Variants in SDK1 observed in about 807,000 individuals in gnomAD.
SDK1 encodes protein sidekick-1.
SDK1 carries 157 observed loss-of-function variants against 245.5 expected under a neutral mutation model. The observed-to-expected ratio is 0.64, with a 90% CI of 0.56 to 0.73. SDK1 has a LOEUF of 0.73. Ranked by LOEUF, SDK1 falls within the 30% of genes least tolerant of loss-of-function variation. SDK1 has a pLI of 0.00. For missense variants in SDK1, 3,583 were observed against 3,002.3 expected, an observed-to-expected ratio of 1.19 and a Z score of -4.52; for synonymous variants, 1,647 against 1,278.5, an observed-to-expected ratio of 1.29 and a Z score of -6.15.
chr7:3,961,778 T>C (rs1345052779), intron 8 of SDK1, among the ~76,000 whole-genome samples: 2 of 152,196 alleles, frequency 1.3e-5, no homozygotes, highest in Non-Finnish European at 1.5e-5. Flanking sequence ...GATACTGCCA[T>C]TGAGCACTCA....
At chr7:3,366,668 G>T (rs1231453895) in intron 1 of SDK1, among the ~76,000 whole-genome samples, 1 of 152,048 alleles carries the variant, frequency 6.6e-6, no homozygotes, top group African/African-American at 2.4e-5. Flanking sequence ...AAAGACTTTT[G>T]TCTTTTTGTC....
intron 14 of SDK1, among the ~76,000 whole-genome samples, chr7:3,996,728 A>T (rs556550990): frequency 6.6e-6 from 1 of 152,346 alleles, no homozygotes; most frequent in African/African-American, 2.4e-5. Context: ...TTATTATTCT[A>T]ACGACTTTTC....
chr7:3,888,941 C>T (rs1554276635), intron 5 of SDK1, among the ~76,000 whole-genome samples: 1 of 152,120 alleles, frequency 6.6e-6, no homozygotes, highest in Non-Finnish European at 1.5e-5. Flanking sequence ...AACTATGGCT[C>T]TTTATTATTT....
chr7:3,628,047 G>A (rs1484915986), intron 2 of SDK1, among the ~76,000 whole-genome samples: 1 of 152,126 alleles, frequency 6.6e-6, no homozygotes, highest in African/African-American at 2.4e-5. Context: ...AGCTCCGTCT[G>A]CTTGGAAGGC....
chr7:3,617,273 T>G (rs1781800605), intron 1 of SDK1, among the ~76,000 whole-genome samples: 1 of 152,252 alleles, frequency 6.6e-6, no homozygotes, highest in African/African-American at 2.4e-5. Flanking sequence ...GTTCCTGGCA[T>G]TGTTCTAGGT....
At chr7:3,986,626 C>CG (rs1185792746) in intron 13 of SDK1, among the ~76,000 whole-genome samples, 1 of 152,030 alleles carries the variant, frequency 6.6e-6, no homozygotes, top group African/African-American at 2.4e-5. Context: ...TTTGGGAGGC[C>CG]AAGGCGGGTG....
chr7:3,637,954 C>T (rs1044214616), intron 2 of SDK1, among the ~76,000 whole-genome samples: 3 of 152,200 alleles, frequency 2.0e-5, no homozygotes, highest in Non-Finnish European at 4.4e-5. Flanking sequence ...TGTGGAGTGA[C>T]ACAAGACATC....
chr7:3,737,238 C>T (rs114688901), intron 4 of SDK1, among the ~76,000 whole-genome samples: 5 of 152,178 alleles, frequency 3.3e-5, no homozygotes, highest in Admixed American at 2.0e-4. Context: ...GCAGTTGGAC[C>T]GGACTGCTGT....
intron 1 of SDK1, among the ~76,000 whole-genome samples, chr7:3,465,456 T>C (rs184710297): frequency 6.6e-6 from 1 of 152,336 alleles, no homozygotes; most frequent in East Asian, 1.9e-4. Context: ...GAGAAGTGTT[T>C]CCACTAGGGA....
At chr7:3,338,649 CAAG>C (rs1780267600) in intron 1 of SDK1, 1 of 198,656 alleles carries the variant, frequency 5.0e-6, no homozygotes, top group African/African-American at 2.4e-5. Flanking sequence ...AACACCAAAA[CAAG>C]AAAATACTCT....
chr7:4,088,456 G>T (rs1318147463), intron 22 of SDK1, among the ~76,000 whole-genome samples: 1 of 151,880 alleles, frequency 6.6e-6, no homozygotes, highest in Non-Finnish European at 1.5e-5. Context: ...TTATCATCAG[G>T]TATGACATTT....
chr7:3,561,888 A>G (rs1479309784), intron 1 of SDK1, among the ~76,000 whole-genome samples: 3 of 152,206 alleles, frequency 2.0e-5, no homozygotes, highest in African/African-American at 7.2e-5. Flanking sequence ...AGTCATGAAT[A>G]TTTCACTTTC....
intron 13 of SDK1, among the ~76,000 whole-genome samples, chr7:3,983,345 G>A (rs193191587): frequency 5.9e-5 from 9 of 152,212 alleles, no homozygotes; most frequent in Middle Eastern, 3.4e-3. Flanking sequence ...CTGCTGTCTC[G>A]TTTGAAGAAA....
At chr7:3,766,056 A>C (rs1391641832) in intron 4 of SDK1, among the ~76,000 whole-genome samples, 3 of 152,202 alleles carry the variant, frequency 2.0e-5, no homozygotes, top group Non-Finnish European at 4.4e-5. Context: ...TTTATTTTAC[A>C]AATGGCGTTT....
intron 30 of SDK1, among the ~76,000 whole-genome samples, 172 bp from the exon 31 acceptor site, chr7:4,158,276 G>A (rs998752605): frequency 1.3e-5 from 2 of 152,326 alleles, no homozygotes; most frequent in South Asian, 4.1e-4. Flanking sequence ...GGAAGTGATT[G>A]GGTCCGACCC....
At chr7:3,610,703 A>T (rs1050859674) in intron 1 of SDK1, among the ~76,000 whole-genome samples, 1 of 152,260 alleles carries the variant, frequency 6.6e-6, no homozygotes, top group Non-Finnish European at 1.5e-5. Flanking sequence ...TTGGAAGGGT[A>T]GGTTTACCCC....
At chr7:3,358,971 C>T (rs7795798) in intron 1 of SDK1, among the ~76,000 whole-genome samples, 13 of 152,150 alleles carry the variant, frequency 8.5e-5, no homozygotes, top group African/African-American at 3.1e-4. Context: ...ATCTTAATCA[C>T]AGCCCTGGTT....
intron 30 of SDK1, among the ~76,000 whole-genome samples, chr7:4,152,191 G>A (rs987857677): frequency 2.0e-5 from 3 of 152,174 alleles, no homozygotes; most frequent in African/African-American, 7.2e-5. Flanking sequence ...TAAGGCAATC[G>A]GAAGAGTCAG....
chr7:3,321,626 A>C lies in SDK1; in HGVS notation c.298+19742A>C, dbSNP rs146914253. On this transcript the variant is annotated intron_variant, in intron 1 of 44. Coordinates refer to ENST00000404826, the MANE Select transcript of SDK1 (RefSeq NM_152744.4). ...AAAGAAACATTCTTCATGTTTTCGC[A>C]AGTTTTTTTTTAAACCTAATATTTA... 7.8e-4 allele frequency among the ~76,000 whole-genome samples: 118 copies of C among 152,042 alleles called. 2 individuals are homozygous for C. The highest frequency in any genetic ancestry group is 2.7e-3 in the African/African-American group (114 of 41,470).
Sources: gnomAD v4.1 joint callset for allele counts (sites outside exome capture counted in the v4.1 genomes callset) on GRCh38, gnomAD v4.1.1 for gene constraint, MANE v1.5 for transcripts, NCBI Gene and HGNC (gene_info 2026-07-23, HGNC 2026-07-21) for gene names.